The following DGKI variants were observed in gnomAD, a reference collection of about 807,000 sequenced individuals.
The protein encoded by DGKI is DAG kinase iota.
A neutral mutation model predicts 147.5 loss-of-function variants in DGKI; 55 were observed. The observed-to-expected ratio is 0.37, with a 90% CI of 0.30 to 0.47. The LOEUF is 0.47. Ranked by LOEUF, DGKI falls within the 20% of genes least tolerant of loss-of-function variation. The pLI is 1.00. For synonymous variants in DGKI, 469 were observed against 477.1 expected, an observed-to-expected ratio of 0.98 and a Z score of 0.22; for missense variants, 1,007 against 1,323.8, an observed-to-expected ratio of 0.76 and a Z score of 3.71.
At chr7:137,580,204 A>G (rs553915603) in intron 15 of DGKI, among the ~76,000 whole-genome samples, 1 of 152,276 alleles carries the variant, frequency 6.6e-6, no homozygotes, top group East Asian at 1.9e-4. Flanking sequence ...CTTTACAAGT[A>G]TTATTAAGAA....
At chr7:137,694,567 CT>C (rs1823722468) in intron 1 of DGKI, among the ~76,000 whole-genome samples, 1 of 152,166 alleles carries the variant, frequency 6.6e-6, no homozygotes, top group African/African-American at 2.4e-5. Context: ...CAGGAAGTCT[CT>C]TACCCAGAAC....
intron 1 of DGKI, among the ~76,000 whole-genome samples, chr7:137,733,678 GAC>G (rs1180793658): frequency 1.3e-5 from 2 of 152,064 alleles, no homozygotes; most frequent in African/African-American, 4.8e-5. Flanking sequence ...GGAAGAAACA[GAC>G]AATGAACAAT....
chr7:137,439,408 G>A (rs577830090), intron 28 of DGKI, among the ~76,000 whole-genome samples: 22 of 152,234 alleles, frequency 1.4e-4, no homozygotes, highest in South Asian at 6.2e-4. Context: ...CAATCATGGC[G>A]GAAGACGAAG....
chr7:137,741,428 A>C (rs191716342), intron 1 of DGKI, among the ~76,000 whole-genome samples: 2 of 152,312 alleles, frequency 1.3e-5, no homozygotes, highest in Admixed American at 6.5e-5. Flanking sequence ...CCCACACTTA[A>C]AGAAGAAAAT....
chr7:137,471,962 A>T (rs898514630), intron 23 of DGKI, among the ~76,000 whole-genome samples: 1 of 126,844 alleles, frequency 7.9e-6, no homozygotes, highest in African/African-American at 3.4e-5. Flanking sequence ...TATATTATAT[A>T]TTATATACAT....
At chr7:137,819,069 C>G (rs1797819586) in intron 1 of DGKI, among the ~76,000 whole-genome samples, 1 of 152,258 alleles carries the variant, frequency 6.6e-6, no homozygotes, top group East Asian at 1.9e-4. Flanking sequence ...AGTGCTTTAG[C>G]CATGGTCAAA....
chr7:137,614,656 A>G lies in DGKI; in HGVS notation c.994-5047T>C, dbSNP rs538215568. On this transcript the variant is annotated intron_variant, in intron 8 of 32. Transcript: ENST00000614521. ...AACTTCTTCATCTCTCTAAATAATG[A>G]GGTGATGAAACCTAGCAAATTACCC... Among the ~76,000 whole-genome samples, 7 of 152,260 alleles carry G rather than the reference A, an allele frequency of 4.6e-5. No individual in the cohort carries two copies. In the South Asian group the frequency reaches 1.5e-3, roughly 32 times the overall value.
chr7:137,483,357 A>G (rs928073542), intron 23 of DGKI, among the ~76,000 whole-genome samples: 6 of 152,172 alleles, frequency 3.9e-5, no homozygotes, highest in African/African-American at 1.4e-4. Flanking sequence ...TAAACTCTTA[A>G]AGACAATATC....
intron 20 of DGKI, among the ~76,000 whole-genome samples, chr7:137,529,154 C>A (rs1190725678): frequency 6.6e-6 from 1 of 151,978 alleles, no homozygotes; most frequent in African/African-American, 2.4e-5. Context: ...AATTTTAAAG[C>A]CTCCATGGAA....
intron 6 of DGKI, 39 bp from the exon 7 acceptor site, chr7:137,623,593 C>A: frequency 6.3e-7 from 1 of 1,576,026 alleles, no homozygotes; most frequent in Non-Finnish European, 8.7e-7. Flanking sequence ...TTTAAAACCA[C>A]CTCAGTTACA....
chr7:137,686,999 GGAA>G (rs1291142629), intron 2 of DGKI, among the ~76,000 whole-genome samples: 2 of 152,104 alleles, frequency 1.3e-5, no homozygotes, highest in African/African-American at 2.4e-5. Flanking sequence ...TACAGATGAA[GGAA>G]GAAGAATAGA....
chr7:137,586,587 C>T (rs1819407177), intron 13 of DGKI, among the ~76,000 whole-genome samples: 1 of 152,052 alleles, frequency 6.6e-6, no homozygotes, highest in Non-Finnish European at 1.5e-5. Context: ...TTCCCCCAAG[C>T]TTGCCTGAAG....
At chr7:137,539,093 T>G (rs1817608099) in intron 20 of DGKI, among the ~76,000 whole-genome samples, 1 of 152,158 alleles carries the variant, frequency 6.6e-6, no homozygotes, top group Admixed American at 6.5e-5. Flanking sequence ...CTCAGGCCTT[T>G]TCACTATTTC....
At chr7:137,496,344 TG>T (rs1232992072) in intron 21 of DGKI, among the ~76,000 whole-genome samples, 2 of 152,110 alleles carry the variant, frequency 1.3e-5, no homozygotes, top group African/African-American at 4.8e-5. Context: ...TCCATGCTCA[TG>T]GATAGGAAGA....
intron 1 of DGKI, among the ~76,000 whole-genome samples, chr7:137,791,018 T>C (rs372645064): frequency 6.6e-6 from 1 of 152,146 alleles, no homozygotes; most frequent in East Asian, 1.9e-4. Flanking sequence ...GAAGGAGCTG[T>C]GAGCAAGGCT....
chr7:137,552,675 A>G (rs1646373), intron 19 of DGKI, 107 bp from the exon 20 acceptor site: 50,619 of 1,166,906 alleles, frequency 0.043, 4,494 homozygotes, highest in African/African-American at 0.3. Context: ...TTGGGAGACC[A>G]AGGCAGGTGG....
chr7:137,618,151 A>ATATATATATATATTTT lies in DGKI; in HGVS notation c.993+1672_993+1673insAAAATATATATATATA. ...ACTATATATATATATATATATATAT[A>ATATATATATATATTTT]TTTTTTTTTTTTTACTCTATCATTC... is the stretch of plus-strand genomic sequence containing the variant. On this transcript the variant is annotated intron_variant, in intron 8 of 32. Coordinates refer to ENST00000614521, the MANE Select transcript of DGKI (RefSeq NM_001321708.2). Among the ~76,000 whole-genome samples the ATATATATATATATTTT allele has an allele frequency of 4.1e-3, 43 of 10,440 alleles. 1 individual carries two copies. The highest frequency in any genetic ancestry group is 0.015 in the East Asian group (2 of 136). The allele number at this position is 10,440 out of a possible 152,430, so 6.8% of individuals were successfully genotyped here.
intron 28 of DGKI, among the ~76,000 whole-genome samples, chr7:137,424,181 T>C (rs1248768978): frequency 1.3e-5 from 2 of 152,252 alleles, no homozygotes; most frequent in African/African-American, 4.8e-5. Context: ...TAAGCAACAT[T>C]ATGCCTTAGA....
At chr7:137,825,937 T>C (rs1467266755) in intron 1 of DGKI, among the ~76,000 whole-genome samples, 5 of 152,250 alleles carry the variant, frequency 3.3e-5, no homozygotes, top group African/African-American at 1.2e-4. Context: ...GAAAAAAATA[T>C]GAAGTTTTAC....
Sources: gnomAD v4.1 joint callset for allele counts (sites outside exome capture counted in the v4.1 genomes callset) on GRCh38, gnomAD v4.1.1 for gene constraint, MANE v1.5 for transcripts, NCBI Gene and HGNC (gene_info 2026-07-23, HGNC 2026-07-21) for gene names.